The following CENPP variants were observed in gnomAD, a reference collection of about 807,000 sequenced individuals.
CENPP encodes the protein centromere protein P.
CENPP carries 24 observed loss-of-function variants against 35.6 expected under a neutral mutation model. The ratio of observed to expected loss-of-function variants is 0.67; its 90% confidence interval spans 0.49 to 0.95. The LOEUF (loss-of-function observed/expected upper bound fraction) is 0.95, where lower values mean the gene tolerates loss of function less well. CENPP is among the 40% of genes least tolerant of loss of function. The probability of loss-of-function intolerance (pLI) is 0.00; values close to 1 mark genes in which losing one functional copy is unlikely to be tolerated. For synonymous variants in CENPP, 120 were observed against 125.5 expected (o/e 0.96, Z 0.29); for missense variants, 332 against 345.3 (o/e 0.96, Z 0.31).
At chr9:92,349,985 C>A (rs542353681) in intron 4 of CENPP, among the ~76,000 whole-genome samples, 6 of 152,222 alleles carry the variant, frequency 3.9e-5, no homozygotes, top group Non-Finnish European at 8.8e-5. Context: ...AACTGCCAAA[C>A]CGTTTTCCAG....
rs1259257602 is a variant in CENPP at position 92,466,294 on chromosome 9, A to G, written c.564+86435A>G. The G allele has an allele frequency of 4.7e-6, 5 of 1,073,370 alleles. No homozygotes were observed. The African/African-American group carries it at 6.3e-5, about 14-fold the overall frequency. The allele number at this position is 1,073,370 out of a possible 1,614,324, so 66.5% of individuals were successfully genotyped here. Reference sequence around the variant, plus strand: ...GGAAATTATTCTTAATAGTGACGATAAAGTGTTCTACATCTGCTTGTTTGT... The same window carrying G: ...GGAAATTATTCTTAATAGTGACGATGAAGTGTTCTACATCTGCTTGTTTGT... On this transcript the variant is annotated intron_variant, in intron 5 of 7. Coordinates refer to ENST00000375587, the MANE Select transcript of CENPP (RefSeq NM_001012267.3).
chr9:92,417,204 C>A (rs754079804), intron 5 of CENPP: 2 of 1,613,922 alleles, frequency 1.2e-6, no homozygotes, highest in South Asian at 2.2e-5. Flanking sequence ...AGGTTAATTT[C>A]TTTAAGATGA....
At chr9:92,402,840 C>T (rs1188860111) in intron 5 of CENPP, among the ~76,000 whole-genome samples, 1 of 152,114 alleles carries the variant, frequency 6.6e-6, no homozygotes, top group Non-Finnish European at 1.5e-5. Flanking sequence ...ATAATAATAA[C>T]CTTAAGCTGA....
chr9:92,525,317 CAA>C (rs59745811), intron 5 of CENPP, among the ~76,000 whole-genome samples: 12 of 118,470 alleles, frequency 1.0e-4, no homozygotes, highest in Admixed American at 1.8e-4. Context: ...GACTCTGTCT[CAA>C]AAAAAAAAAA....
intron 5 of CENPP, among the ~76,000 whole-genome samples, chr9:92,471,687 G>A (rs1217391989): frequency 8.3e-6 from 1 of 121,122 alleles, no homozygotes; most frequent in Non-Finnish European, 1.7e-5. Flanking sequence ...TTTTTAACTT[G>A]AGACAGTCTT....
At position 92,616,177 on chromosome 9, in the gene CENPP, CA is replaced by C. The variant is rs771271293; in HGVS notation, c.*3031del. On this transcript the variant is annotated 3_prime_UTR_variant, in exon 8 of 8. Transcript: ENST00000375587. Reference sequence around the variant, plus strand: ...TTTTATGTTTTTTCTTTGACTTCTGCAAAGTTAGATAAATCAATCTCTTTTA... The same window carrying C: ...TTTTATGTTTTTTCTTTGACTTCTGCAAGTTAGATAAATCAATCTCTTTTA... The C allele has an allele frequency of 4.2e-5, 29 of 687,548 alleles. No individual in the cohort carries two copies. Among genetic ancestry groups the C allele is most frequent in the Admixed American group, 1.7e-4 (6 of 34,844 alleles). 42.6% of individuals were successfully genotyped at this position (687,548 alleles called of 1,614,324 possible).
At chr9:92,436,107 G>C (rs755821352) in intron 5 of CENPP, among the ~76,000 whole-genome samples, 1 of 152,168 alleles carries the variant, frequency 6.6e-6, no homozygotes, top group Non-Finnish European at 1.5e-5. Flanking sequence ...CATTCTAATA[G>C]GTATGTAGTG....
intron 5 of CENPP, among the ~76,000 whole-genome samples, chr9:92,549,367 G>A (rs1432392552): frequency 1.3e-5 from 2 of 152,142 alleles, no homozygotes; most frequent in African/African-American, 4.8e-5. Context: ...ACTAGATGAA[G>A]CTGGCCCAGT....
At chr9:92,423,236 G>A (rs1411548710) in intron 5 of CENPP, among the ~76,000 whole-genome samples, 1 of 152,048 alleles carries the variant, frequency 6.6e-6, no homozygotes, top group Non-Finnish European at 1.5e-5. Context: ...GAACAAATGT[G>A]AAAAAGAATG....
At chr9:92,479,912 T>C (rs1403947897) in intron 5 of CENPP, among the ~76,000 whole-genome samples, 1 of 152,150 alleles carries the variant, frequency 6.6e-6, no homozygotes, top group Non-Finnish European at 1.5e-5. Flanking sequence ...TGTTTACCAA[T>C]AGGAAAATAA....
At chr9:92,403,554 G>A (rs971023277) in intron 5 of CENPP, 16 of 1,356,718 alleles carry the variant, frequency 1.2e-5, no homozygotes, top group Non-Finnish European at 1.5e-5. Flanking sequence ...GGTGTGCGCA[G>A]TAAGGGCCAG....
At chr9:92,403,215 T>C in intron 5 of CENPP, 4 of 1,499,620 alleles carry the variant, frequency 2.7e-6, no homozygotes, top group African/African-American at 1.4e-5. Flanking sequence ...AAGCTAAATT[T>C]AGAATAGAAA....
At chr9:92,387,821 T>C (rs377277144) in intron 5 of CENPP, among the ~76,000 whole-genome samples, 61 of 152,214 alleles carry the variant, frequency 4.0e-4, no homozygotes, top group African/African-American at 1.4e-3. Flanking sequence ...TGTAGTGCAG[T>C]GTCATGATCT....
chr9:92,402,862 T>A (rs1178904694), intron 5 of CENPP, among the ~76,000 whole-genome samples: 2 of 152,220 alleles, frequency 1.3e-5, no homozygotes, highest in Non-Finnish European at 2.9e-5. Flanking sequence ...AATTCATCTT[T>A]ATTTCTCCAA....
chr9:92,438,983 C>T (rs1321410018), intron 5 of CENPP, among the ~76,000 whole-genome samples: 5 of 152,180 alleles, frequency 3.3e-5, no homozygotes, highest in Non-Finnish European at 5.9e-5. Flanking sequence ...TAAACTGCTT[C>T]ATTTGTTATT....
intron 5 of CENPP, among the ~76,000 whole-genome samples, chr9:92,450,430 A>AT (rs752860508): frequency 2.0e-5 from 3 of 152,042 alleles, no homozygotes; most frequent in African/African-American, 4.8e-5. Context: ...TGAACTCATC[A>AT]TTTTTTATGG....
chr9:92,599,652 C>T (rs560788324), intron 5 of CENPP, among the ~76,000 whole-genome samples: 1 of 152,108 alleles, frequency 6.6e-6, no homozygotes, highest in Admixed American at 6.5e-5. Context: ...CCTGACCTGA[C>T]GTGGTCCACC....
chr9:92,472,602 G>A (rs532506296), intron 5 of CENPP, among the ~76,000 whole-genome samples: 1 of 152,066 alleles, frequency 6.6e-6, no homozygotes, highest in South Asian at 2.1e-4. Context: ...AAGTTGCAGT[G>A]AGCCGAGATC....
chr9:92,395,254 T>C (rs1842848311), intron 5 of CENPP, among the ~76,000 whole-genome samples: 1 of 152,178 alleles, frequency 6.6e-6, no homozygotes, highest in Non-Finnish European at 1.5e-5. Flanking sequence ...TATACATTAG[T>C]TTGCATTTAG....
Sources: allele counts gnomAD v4.1 joint callset (sites outside exome capture counted in the v4.1 genomes callset), GRCh38; gene constraint gnomAD v4.1.1; transcripts MANE v1.5; gene names NCBI Gene and HGNC (gene_info 2026-07-23, HGNC 2026-07-21).